The following ARHGAP29 variants were observed in gnomAD, a reference collection of about 807,000 sequenced individuals.
The protein encoded by ARHGAP29 is rho GTPase-activating protein 29.
A neutral mutation model predicts 122.6 loss-of-function variants in ARHGAP29; 43 were observed. The observed-to-expected ratio is 0.35, with a 90% CI of 0.27 to 0.45. The LOEUF (loss-of-function observed/expected upper bound fraction) is 0.45. Ranked by LOEUF, ARHGAP29 falls within the 20% of genes least tolerant of loss-of-function variation. The pLI is 1.00. For missense variants in ARHGAP29, 1,303 were observed against 1,477.2 expected (o/e 0.88, Z 1.93); for synonymous variants, 506 against 497.1 (o/e 1.02, Z -0.24).
At chr1:94,212,957 A>G (rs1021661973) in intron 3 of ARHGAP29, among the ~76,000 whole-genome samples, 1 of 151,964 alleles carries the variant, frequency 6.6e-6, no homozygotes, top group Non-Finnish European at 1.5e-5. Flanking sequence ...ATTTTTTCTT[A>G]TGTTACTAAC....
intron 5 of ARHGAP29, 28 bp from the exon 6 acceptor site, chr1:94,205,711 A>G: frequency 6.3e-7 from 1 of 1,599,926 alleles, no homozygotes; most frequent in Non-Finnish European, 8.5e-7. Flanking sequence ...GATAAATTTA[A>G]AATTAGAGAA....
rs939273469 is a variant in ARHGAP29 at position 94,174,680 on chromosome 1, G to A, written c.2975C>T (p.Pro992Leu). ...ASQKIEDGKTPKPLSLKSDRS... is the reference protein window; with the variant it reads ...ASQKIEDGKTLKPLSLKSDRS... ...ATCAGATTTCAGAGAAAGTGGCTTA[G>A]GGGTTTTACCATCTTCTATCTTTTG... Residue 992 changes from proline to leucine, a missense_variant, in exon 23 of 23, where the codon CCT becomes CTT. Pro to Leu is a moderately conservative substitution (Grantham distance 98, BLOSUM62 -3). Coordinates refer to ENST00000260526, the MANE Select transcript of ARHGAP29 (RefSeq NM_004815.4). 14 of 1,613,948 alleles carry A rather than the reference G, an allele frequency of 8.7e-6. No homozygotes were observed. The highest frequency in any genetic ancestry group is 1.2e-5 in the Non-Finnish European group (14 of 1,180,020).
intron 22 of ARHGAP29, 31 bp downstream of exon 22, chr1:94,177,581 A>G (rs372528047): frequency 7.7e-6 from 12 of 1,549,450 alleles, no homozygotes; most frequent in Non-Finnish European, 1.1e-5. Context: ...TTAAGCCAGC[A>G]AACATATTTT....
chr1:94,223,527 A>C (rs1652442201), intron 2 of ARHGAP29, among the ~76,000 whole-genome samples: 1 of 152,168 alleles, frequency 6.6e-6, no homozygotes, highest in African/African-American at 2.4e-5. Flanking sequence ...TAGGCCCTTC[A>C]TAAATGTTTG....
chr1:94,200,005 T>C (rs1174175496), intron 12 of ARHGAP29, among the ~76,000 whole-genome samples: 1 of 152,192 alleles, frequency 6.6e-6, no homozygotes, highest in East Asian at 1.9e-4. Flanking sequence ...AAACGGATCA[T>C]ATATCTATAT....
At chr1:94,245,199 A>T (rs1653742900) in intron 1 of ARHGAP29, among the ~76,000 whole-genome samples, 1 of 152,200 alleles carries the variant, frequency 6.6e-6, no homozygotes. Flanking sequence ...TACACAGGAA[A>T]TGTACATTTA....
At chr1:94,272,578 A>G (rs1438108783) in intron 1 of ARHGAP29, among the ~76,000 whole-genome samples, 2 of 152,224 alleles carry the variant, frequency 1.3e-5, no homozygotes, top group Non-Finnish European at 1.5e-5. Context: ...AATGGGAAGT[A>G]CTACAGCTGG....
At position 94,178,043 on chromosome 1, in the gene ARHGAP29, A is replaced by C. The variant is rs1649220101; in HGVS notation, c.2605T>G (p.Ser869Ala). The stretch of plus-strand genomic sequence containing the variant: ...AACTCTACCAAGCGTGCTTGATTTG[A>C]ATACTCTGCAAGGGAGGAGATGGTG... ...PITISSLAEYSNQARLVEFLI... is the reference protein window; with the variant it reads ...PITISSLAEYANQARLVEFLI... Residue 869 changes from serine (S) to alanine (A), a missense_variant, in exon 21 of 23, where the codon TCA becomes GCA. By Grantham distance (99) the Ser-to-Ala change is moderately conservative (BLOSUM62 1). This residue lies in a region of ARHGAP29 where 620 missense variants were observed against 651.2 expected (regional missense o/e 0.95). Coordinates refer to ENST00000260526, the MANE Select transcript of ARHGAP29 (RefSeq NM_004815.4). 1.9e-6 allele frequency: 3 copies of C among 1,614,174 alleles called. No individual in the cohort carries two copies. The highest frequency in any genetic ancestry group is 1.7e-6 in the Non-Finnish European group (2 of 1,180,030).
intron 1 of ARHGAP29, among the ~76,000 whole-genome samples, chr1:94,267,006 C>G (rs1654797871): frequency 6.6e-6 from 1 of 152,212 alleles, no homozygotes; most frequent in Non-Finnish European, 1.5e-5. Flanking sequence ...CAGATCTGCT[C>G]TCAATCCAGG....
chr1:94,188,746 G>T, intron 15 of ARHGAP29, 91 bp downstream of exon 15: 1 of 1,071,990 alleles, frequency 9.3e-7, no homozygotes, highest in Non-Finnish European at 1.4e-6. Flanking sequence ...ATGTGTGAAA[G>T]TTCACTATAA....
At chr1:94,178,420 A>C (rs1649247978) in intron 20 of ARHGAP29, among the ~76,000 whole-genome samples, 1 of 150,418 alleles carries the variant, frequency 6.6e-6, no homozygotes, top group Non-Finnish European at 1.5e-5. Context: ...CAGCAGAAAG[A>C]AAAAATACCC....
intron 1 of ARHGAP29, among the ~76,000 whole-genome samples, chr1:94,253,520 G>T (rs1185779874): frequency 6.6e-6 from 1 of 152,104 alleles, no homozygotes; most frequent in African/African-American, 2.4e-5. Context: ...TATTTTGGAG[G>T]TCTGACTTAT....
chr1:94,290,581 T>C, the ARHGAP29 span, among the ~76,000 whole-genome samples: 30 of 152,274 alleles, frequency 2.0e-4, no homozygotes, highest in East Asian at 3.9e-3. Flanking sequence ...TTTCCCTCTA[T>C]ACACTGCTTT....
At chr1:94,188,025 G>A (rs1459102710) in intron 15 of ARHGAP29, among the ~76,000 whole-genome samples, 6 of 152,168 alleles carry the variant, frequency 3.9e-5, no homozygotes, top group African/African-American at 1.4e-4. Context: ...CTTAAATCCT[G>A]TAATCTATTA....
At chr1:94,189,418 A>G in intron 13 of ARHGAP29, 66 bp from the exon 14 acceptor site, 1 of 1,461,970 alleles carries the variant, frequency 6.8e-7, no homozygotes, top group South Asian at 1.4e-5. Context: ...AGTTGATTTC[A>G]TTCTATGTTT....
intron 6 of ARHGAP29, 37 bp downstream of exon 6, chr1:94,205,598 G>A (rs1310239069): frequency 4.4e-6 from 7 of 1,575,264 alleles, no homozygotes; most frequent in Non-Finnish European, 5.2e-6. Flanking sequence ...GTAACTACAA[G>A]AAGTTTGTGA....
chr1:94,255,202 C>T (rs1242717994), intron 1 of ARHGAP29, among the ~76,000 whole-genome samples: 5 of 152,100 alleles, frequency 3.3e-5, no homozygotes, highest in Admixed American at 2.0e-4. Context: ...TAGCCAATGA[C>T]AAGTGTCTTT....
At chr1:94,254,209 G>A (rs1654232076) in intron 1 of ARHGAP29, among the ~76,000 whole-genome samples, 1 of 152,098 alleles carries the variant, frequency 6.6e-6, no homozygotes, top group South Asian at 2.1e-4. Flanking sequence ...TGTCACTGAT[G>A]GATTGACACC....
intron 1 of ARHGAP29, among the ~76,000 whole-genome samples, chr1:94,248,481 C>T (rs1653925691): frequency 6.6e-6 from 1 of 152,324 alleles, no homozygotes; most frequent in South Asian, 2.1e-4. Flanking sequence ...ACCAACTCTA[C>T]TAAGAATACC....
Sources: allele counts gnomAD v4.1 joint callset (sites outside exome capture counted in the v4.1 genomes callset), GRCh38; gene constraint gnomAD v4.1.1; regional missense constraint gnomAD v4.1.1; transcripts MANE v1.5; gene names NCBI Gene and HGNC (gene_info 2026-07-23, HGNC 2026-07-21).